Variants in TMEM132B observed in about 807,000 individuals in gnomAD.
TMEM132B encodes transmembrane protein 132B.
In TMEM132B, 18 loss-of-function variants were observed where a neutral mutation model predicts 90.8. The observed-to-expected ratio is 0.20, with a 90% confidence interval of 0.14 to 0.29. TMEM132B has a LOEUF of 0.29. Among genes scored for constraint, TMEM132B ranks in the 10% least tolerant of loss-of-function variants. TMEM132B has a pLI of 1.00. For synonymous variants in TMEM132B, 504 were observed against 523.3 expected, an observed-to-expected ratio of 0.96 and a Z score of 0.50; for missense variants, 1,096 against 1,326.8, an observed-to-expected ratio of 0.83 and a Z score of 2.70.
intron 1 of TMEM132B, among the ~76,000 whole-genome samples, chr12:125,320,210 G>A (rs1016960230): frequency 6.6e-5 from 10 of 152,198 alleles, no homozygotes; most frequent in African/African-American, 1.9e-4. Flanking sequence ...CCCAGCTGGG[G>A]AGGAGGTCTG....
At chr12:125,321,779 G>T (rs1040983491) in intron 1 of TMEM132B, among the ~76,000 whole-genome samples, 1 of 151,806 alleles carries the variant, frequency 6.6e-6, no homozygotes, top group African/African-American at 2.4e-5. Context: ...AGCTCACCTG[G>T]TTCATCAGTT....
intron 2 of TMEM132B, among the ~76,000 whole-genome samples, chr12:125,374,074 T>G (rs1437544508): frequency 1.3e-5 from 2 of 152,194 alleles, no homozygotes; most frequent in Non-Finnish European, 2.9e-5. Flanking sequence ...GGATTACAGG[T>G]GTGAGCCACC....
rs117097331 is a variant in TMEM132B, at chr12:125,600,698, C to T, written c.1437+16704C>T. Among the ~76,000 whole-genome samples the T allele has an allele frequency of 3.7e-3, 562 of 152,168 alleles. 2 individuals are homozygous for T. Among genetic ancestry groups the T allele is most frequent in the Admixed American group, 7.5e-3 (115 of 15,256 alleles). On this transcript the variant is annotated intron_variant, in intron 5 of 8. Coordinates refer to ENST00000682704, the MANE Select transcript of TMEM132B (RefSeq NM_001366854.1). ...TATTTGGTGTTTGGGCATTTTCTGT[C>T]CCATGTTCCACATCATTATGTGAAA...
At chr12:125,611,563 A>G (rs1441176622) in intron 5 of TMEM132B, among the ~76,000 whole-genome samples, 2 of 152,072 alleles carry the variant, frequency 1.3e-5, no homozygotes, top group East Asian at 3.9e-4. Context: ...GTTTCCATGT[A>G]AACACTATAT....
chr12:125,572,927 A>C (rs961632033), intron 4 of TMEM132B, among the ~76,000 whole-genome samples: 1 of 152,172 alleles, frequency 6.6e-6, no homozygotes, highest in South Asian at 2.1e-4. Flanking sequence ...GTGATTATTT[A>C]CTGTGATGCT....
At chr12:125,519,713 C>T (rs1425485624) in intron 4 of TMEM132B, 88 bp downstream of exon 4, 28 of 1,322,100 alleles carry the variant, frequency 2.1e-5, no homozygotes, top group Non-Finnish European at 6.3e-6. Flanking sequence ...TTTCCACATA[C>T]CTGATACACT....
chr12:125,430,736 A>G (rs1328858880), intron 3 of TMEM132B, among the ~76,000 whole-genome samples: 3 of 152,254 alleles, frequency 2.0e-5, no homozygotes, highest in African/African-American at 7.2e-5. Context: ...TCAGCTGGAA[A>G]CAAAACCAGT....
chr12:125,220,466 G>T (rs1410500217), intron 1 of TMEM132B, among the ~76,000 whole-genome samples: 1 of 152,246 alleles, frequency 6.6e-6, no homozygotes, highest in Non-Finnish European at 1.5e-5. Context: ...GCTTAAACAA[G>T]TGCAGATTAA....
chr12:125,351,018 G>A (rs950191484), intron 2 of TMEM132B, among the ~76,000 whole-genome samples: 1 of 152,184 alleles, frequency 6.6e-6, no homozygotes, highest in African/African-American at 2.4e-5. Flanking sequence ...TAGTGCGGGG[G>A]TTTGGATGGA....
chr12:125,587,192 A>G (rs1344134230), intron 5 of TMEM132B: 1 of 117,958 alleles, frequency 8.5e-6, no homozygotes, highest in Non-Finnish European at 1.8e-5. Flanking sequence ...AAAAAAAAAA[A>G]AAACAAGTAG....
At chr12:125,390,066 T>A (rs1310112271) in intron 2 of TMEM132B, among the ~76,000 whole-genome samples, 6 of 152,206 alleles carry the variant, frequency 3.9e-5, no homozygotes, top group Admixed American at 1.3e-4. Context: ...TCTCCATGGT[T>A]ACTGCTGTCC....
chr12:125,623,619 G>T (rs1886164118), intron 5 of TMEM132B, among the ~76,000 whole-genome samples: 1 of 152,146 alleles, frequency 6.6e-6, no homozygotes, highest in African/African-American at 2.4e-5. Flanking sequence ...TTGTAGTTGG[G>T]TTGGGCTGAA....
chr12:125,224,335 C>T lies in TMEM132B; in HGVS notation c.67+37469C>T, dbSNP rs564397211. Among the ~76,000 whole-genome samples the T allele has an allele frequency of 4.6e-5, 7 of 152,240 alleles. No homozygotes were observed. In the South Asian group the frequency reaches 8.3e-4, roughly 18 times the overall value. On this transcript the variant is annotated intron_variant, in intron 1 of 8. Transcript: ENST00000682704. ...GGTGTATACCTAGAAGTGGAATTGC[C>T]GGGTCATAGGGTAATTCTAGGTTAA...
intron 2 of TMEM132B, among the ~76,000 whole-genome samples, chr12:125,369,149 G>T (rs1878221718): frequency 6.6e-6 from 1 of 152,094 alleles, no homozygotes; most frequent in South Asian, 2.1e-4. Flanking sequence ...GCGATAGTTT[G>T]CTGAGAGTGA....
chr12:125,214,746 C>T (rs1873396182), intron 1 of TMEM132B, among the ~76,000 whole-genome samples: 2 of 152,220 alleles, frequency 1.3e-5, no homozygotes, highest in Non-Finnish European at 2.9e-5. Flanking sequence ...ATTTATTCTC[C>T]ACCCTTCCTT....
intron 4 of TMEM132B, among the ~76,000 whole-genome samples, chr12:125,520,706 T>C (rs761908698): frequency 7.2e-5 from 11 of 152,196 alleles, no homozygotes; most frequent in Non-Finnish European, 1.5e-4. Flanking sequence ...TCCTAGACAT[T>C]ATCACTGGTT....
intron 2 of TMEM132B, among the ~76,000 whole-genome samples, chr12:125,352,177 C>T (rs554494230): frequency 4.6e-5 from 7 of 152,304 alleles, no homozygotes; most frequent in African/African-American, 1.7e-4. Context: ...TGGCCTTATC[C>T]CTGCCCTGTT....
intron 1 of TMEM132B, among the ~76,000 whole-genome samples, chr12:125,291,089 A>G (rs1048799716): frequency 2.4e-4 from 37 of 152,222 alleles, no homozygotes; most frequent in African/African-American, 8.7e-4. Context: ...GGACCTTAGG[A>G]AGTGATTAGA....
chr12:125,441,630 G>A (rs1434634946), intron 3 of TMEM132B, among the ~76,000 whole-genome samples: 1 of 152,206 alleles, frequency 6.6e-6, no homozygotes, highest in East Asian at 1.9e-4. Context: ...GTCTGACAGA[G>A]TAGCCCAATG....
Sources: gnomAD v4.1 joint callset for allele counts (sites outside exome capture counted in the v4.1 genomes callset) on GRCh38, gnomAD v4.1.1 for gene constraint, MANE v1.5 for transcripts, NCBI Gene and HGNC (gene_info 2026-07-23, HGNC 2026-07-21) for gene names.